Variants in ATP6V0A4 observed in about 807,000 individuals in gnomAD.
ATP6V0A4 encodes ATPase H+ transporting V0 subunit a4, also known as V-type proton ATPase 116 kDa subunit a 4.
Under a neutral mutation model 107.3 loss-of-function variants are expected in ATP6V0A4, and 86 were observed. The ratio of observed to expected loss-of-function variants is 0.80; its 90% confidence interval spans 0.67 to 0.96. The LOEUF (loss-of-function observed/expected upper bound fraction) is 0.96, where lower values mean the gene tolerates loss of function less well. Among genes scored for constraint, ATP6V0A4 ranks in the 40% least tolerant of loss-of-function variants. ATP6V0A4 has a pLI of 0.00. For missense variants in ATP6V0A4, 908 were observed against 1,045.6 expected (o/e 0.87, Z 1.81); for synonymous variants, 353 against 381.4 (o/e 0.93, Z 0.87).
intron 2 of ATP6V0A4, among the ~76,000 whole-genome samples, chr7:138,781,203 TG>T (rs1187755137): frequency 6.6e-6 from 1 of 152,258 alleles, no homozygotes; most frequent in Non-Finnish European, 1.5e-5. Context: ...CTGCTGGCCT[TG>T]CCAGCTAAAA....
chr7:138,749,285 C>T lies in ATP6V0A4; in HGVS notation c.1062G>A (p.Met354Ile). ...ELSGSSMAPI[M>I]TTVQSKTAPP... ...GGGCTGTTTTAGATTGCACTGTGGT[C>T]ATGATGGGGGCCATGGAGGAGCCAC... is the stretch of plus-strand genomic sequence containing the variant. Residue 354 changes from methionine (M) to isoleucine (I), a missense_variant, in exon 12 of 22, where the codon ATG becomes ATA. Transcript: ENST00000310018. 1 of 1,588,668 alleles carries T rather than the reference C, an allele frequency of 6.3e-7. No homozygotes were observed. Among genetic ancestry groups the T allele is most frequent in the Non-Finnish European group, 8.6e-7 (1 of 1,161,598 alleles).
chr7:138,785,886 TC>T (rs1808157024), intron 2 of ATP6V0A4, among the ~76,000 whole-genome samples: 1 of 152,092 alleles, frequency 6.6e-6, no homozygotes, highest in Non-Finnish European at 1.5e-5. Flanking sequence ...CATTTCCACT[TC>T]CTCCTGGCCA....
In ATP6V0A4 at chr7:138,771,297, T is replaced by C. The variant is rs764385663; in HGVS notation, c.-17-33A>G. The C allele has an allele frequency of 5.0e-6, 8 of 1,607,372 alleles. No homozygotes were observed. In the Admixed American group the frequency reaches 8.3e-5, roughly 17 times the overall value. ...AGAAAAAGAAAAAGATATTAATATT[T>C]AAGGTAATAAATGTGTGAAAACCTT... On this transcript the variant is annotated intron_variant, in intron 2 of 21. Transcript: ENST00000310018.
intron 18 of ATP6V0A4, 57 bp from the exon 19 acceptor site, chr7:138,722,082 CATATAA>C (rs1804451726): frequency 1.9e-6 from 3 of 1,608,266 alleles, no homozygotes; most frequent in Non-Finnish European, 2.5e-6. Context: ...AATTCTAACA[CATATAA>C]ATATAAATAA....
rs780490571 is a variant in ATP6V0A4, at chr7:138,773,597, G to C, written c.-17-2333C>G. ...TCTAGGTCAACAGCACCACAAAGTG[G>C]GTACTCCAGAAGCAATACCCCATGT... On this transcript the variant is annotated intron_variant, in intron 2 of 21. Transcript: ENST00000310018. The surrounding 1 kb of genome is among the most constrained non-coding windows in gnomAD (Gnocchi z 5.4). Among the ~76,000 whole-genome samples the C allele has an allele frequency of 6.6e-6, 1 of 152,118 alleles. No individual in the cohort carries two copies. Among genetic ancestry groups the C allele is most frequent in the Non-Finnish European group, 1.5e-5 (1 of 68,028 alleles).
At chr7:138,783,324 A>C (rs946352743) in intron 2 of ATP6V0A4, among the ~76,000 whole-genome samples, 5 of 152,094 alleles carry the variant, frequency 3.3e-5, no homozygotes, top group Non-Finnish European at 7.4e-5. Context: ...TAACCTCAGC[A>C]CTATGGGGGA....
At chr7:138,715,423 C>T (rs1803988053) in intron 20 of ATP6V0A4, among the ~76,000 whole-genome samples, 1 of 152,184 alleles carries the variant, frequency 6.6e-6, no homozygotes, top group Non-Finnish European at 1.5e-5. Flanking sequence ...TGATCTTGAA[C>T]TCCTGGGCTC....
chr7:138,711,075 G>A (rs866619292), intron 20 of ATP6V0A4, among the ~76,000 whole-genome samples: 4 of 151,742 alleles, frequency 2.6e-5, no homozygotes, highest in South Asian at 2.1e-4. Flanking sequence ...TGACACCACC[G>A]TCCCCCCACC....
intron 1 of ATP6V0A4, among the ~76,000 whole-genome samples, chr7:138,792,778 G>GTTTT (rs1365254498): frequency 1.0e-4 from 5 of 48,018 alleles, no homozygotes; most frequent in Admixed American, 2.8e-4. Flanking sequence ...TTTTTTTTTT[G>GTTTT]TTGTTTTGTT....
intron 5 of ATP6V0A4, among the ~76,000 whole-genome samples, chr7:138,768,262 G>T (rs1415832718): frequency 6.6e-6 from 1 of 152,120 alleles, no homozygotes; most frequent in Non-Finnish European, 1.5e-5. Flanking sequence ...AGACTGAAGG[G>T]GAAGGAAATA....
intron 18 of ATP6V0A4, among the ~76,000 whole-genome samples, chr7:138,724,087 G>A (rs192885302): frequency 3.7e-4 from 56 of 150,904 alleles, no homozygotes; most frequent in African/African-American, 1.3e-3. Context: ...CTACATAGGA[G>A]GCTAGGACAG....
At chr7:138,718,049 G>A (rs1804153469) in intron 19 of ATP6V0A4, among the ~76,000 whole-genome samples, 1 of 147,276 alleles carries the variant, frequency 6.8e-6, no homozygotes, top group African/African-American at 2.5e-5. Context: ...AAGGAGTGGG[G>A]GGGTACAGTC....
intron 20 of ATP6V0A4, among the ~76,000 whole-genome samples, chr7:138,711,400 G>C (rs1427107141): frequency 6.6e-6 from 1 of 152,176 alleles, no homozygotes; most frequent in Non-Finnish European, 1.5e-5. Flanking sequence ...TTCTTCCCTA[G>C]TTATCATGCC....
intron 9 of ATP6V0A4, 78 bp downstream of exon 9, chr7:138,756,380 T>C (rs1196088321): frequency 1.2e-6 from 2 of 1,607,918 alleles, no homozygotes; most frequent in African/African-American, 1.3e-5. Context: ...GCCACAGTCA[T>C]GTGCATTTGG....
At chr7:138,795,089 A>G (rs913086697) in intron 1 of ATP6V0A4, among the ~76,000 whole-genome samples, 2 of 151,982 alleles carry the variant, frequency 1.3e-5, no homozygotes, top group African/African-American at 4.8e-5. Context: ...TTTAGTAGAG[A>G]TGGGATTTCA....
chr7:138,754,902 A>G (rs960615027), intron 10 of ATP6V0A4, among the ~76,000 whole-genome samples: 1 of 152,182 alleles, frequency 6.6e-6, no homozygotes, highest in Non-Finnish European at 1.5e-5. Flanking sequence ...TGCTGGGATT[A>G]TAGGCATGAG....
chr7:138,747,336 T>C lies in ATP6V0A4; in HGVS notation c.1320+89A>G, dbSNP rs556847869. ...CTTTCCTTCTCTCCTTTATTTTTCA[T>C]AAAAATGTGTTATTTCTATGGTGAA... On this transcript the variant is annotated intron_variant, in intron 13 of 21. Coordinates refer to ENST00000310018, the MANE Select transcript of ATP6V0A4 (RefSeq NM_020632.3). The C allele has an allele frequency of 2.6e-4, 394 of 1,510,496 alleles. 1 individual carries two copies. The African/African-American group carries it at 5.0e-3, about 19-fold the overall frequency. 93.6% of individuals were successfully genotyped at this position (1,510,496 alleles called of 1,614,324 possible). A position where few individuals can be genotyped will look rare whatever the true frequency, so the allele number is the denominator to read the frequency against.
intron 7 of ATP6V0A4, among the ~76,000 whole-genome samples, 197 bp downstream of exon 7, chr7:138,762,143 G>A (rs183144264): frequency 6.6e-5 from 10 of 152,210 alleles, no homozygotes; most frequent in Admixed American, 4.6e-4. Flanking sequence ...GGTCAGCATC[G>A]CCACTAACAA....
intron 12 of ATP6V0A4, among the ~76,000 whole-genome samples, chr7:138,748,801 C>A (rs61392013): frequency 6.6e-6 from 1 of 152,090 alleles, no homozygotes; most frequent in African/African-American, 2.4e-5. Context: ...GTCTTTCCCA[C>A]ACAATAACCA....
Sources: allele counts gnomAD v4.1 joint callset (sites outside exome capture counted in the v4.1 genomes callset), GRCh38; gene constraint gnomAD v4.1.1; non-coding constraint Gnocchi (gnomAD v3.1); transcripts MANE v1.5; gene names NCBI Gene and HGNC (gene_info 2026-07-23, HGNC 2026-07-21).